ARHGEF6: variants seen among roughly 807,000 people sequenced by gnomAD.
ARHGEF6 encodes the protein rho guanine nucleotide exchange factor 6.
A neutral mutation model predicts 70.3 loss-of-function variants in ARHGEF6; 9 were observed. That is an observed-to-expected ratio of 0.13 (90% CI 0.08 to 0.22). The LOEUF is 0.22. Among genes scored for constraint, ARHGEF6 ranks in the 10% least tolerant of loss-of-function variants. The probability of loss-of-function intolerance (pLI) is 1.00; values close to 1 mark genes in which losing one functional copy is unlikely to be tolerated. For missense variants in ARHGEF6, 470 were observed against 563.0 expected (o/e 0.83, Z 1.67); for synonymous variants, 201 against 207.8 (o/e 0.97, Z 0.28).
intron 3 of ARHGEF6, among the ~76,000 whole-genome samples, chrX:136,746,886 T>C (rs2077099792): frequency 8.9e-6 from 1 of 111,921 alleles, no homozygotes; most frequent in Non-Finnish European, 1.9e-5. Context: ...GCTCAAAGCA[T>C]TTTAAGTATG....
At chrX:136,754,384 G>A (rs931134596) in intron 2 of ARHGEF6, among the ~76,000 whole-genome samples, 6 of 109,872 alleles carry the variant, frequency 5.5e-5, no homozygotes, top group Non-Finnish European at 9.5e-5. Context: ...CCAGGAGTTC[G>A]AGACCAGACT....
At chrX:136,708,634 C>G in intron 8 of ARHGEF6, 41 bp downstream of exon 8, 1 of 1,088,050 alleles carries the variant, frequency 9.2e-7, no homozygotes, top group Middle Eastern at 2.5e-4. Flanking sequence ...ACACAAACAG[C>G]AATGTTGCTG....
intron 6 of ARHGEF6, among the ~76,000 whole-genome samples, chrX:136,721,690 G>A (rs781621184): frequency 7.4e-4 from 83 of 111,815 alleles, no homozygotes; most frequent in African/African-American, 2.4e-3. Context: ...TAGTAAGAAA[G>A]ATACCACATG....
chrX:136,684,783 C>T (rs1166450813), intron 12 of ARHGEF6, among the ~76,000 whole-genome samples: 2 of 111,623 alleles, frequency 1.8e-5, no homozygotes, highest in Non-Finnish European at 3.8e-5. Context: ...TCTAAAGATG[C>T]CTCCAATTTG....
chrX:136,773,971 A>G (rs1418170860), intron 2 of ARHGEF6: 1 of 111,945 alleles, frequency 8.9e-6, no homozygotes, highest in Non-Finnish European at 1.9e-5. Context: ...GAAAATTAAG[A>G]CATACATTTT....
At chrX:136,752,592 A>G (rs2077163758) in intron 2 of ARHGEF6, among the ~76,000 whole-genome samples, 1 of 111,967 alleles carries the variant, frequency 8.9e-6, no homozygotes, top group Non-Finnish European at 1.9e-5. Context: ...CTGGTTCAGA[A>G]CTGGTCATCT....
At chrX:136,737,600 T>C (rs2076999928) in intron 5 of ARHGEF6, 1 of 592,685 alleles carries the variant, frequency 1.7e-6, no homozygotes, top group African/African-American at 2.6e-5. Flanking sequence ...ACCTCTGTAA[T>C]CCCAGCACTT....
chrX:136,727,344 T>C (rs1334908648), intron 6 of ARHGEF6, among the ~76,000 whole-genome samples: 20 of 43,964 alleles, frequency 4.5e-4, no homozygotes, highest in African/African-American at 1.9e-3. Context: ...TTTCTTTCTT[T>C]CTTTCTTTCT....
rs185192546 is a variant in ARHGEF6 at position 136,674,920 on chromosome X, C to A, written c.2035+87G>T. ...CTGCTTTCCACACCCTGCAACCCAT[C>A]CGGGTTGCTTTTCTCTTTTTCTAAA... On this transcript the variant is annotated intron_variant, in intron 19 of 21. Coordinates refer to ENST00000250617, the MANE Select transcript of ARHGEF6 (RefSeq NM_004840.3). 3.2e-5 allele frequency: 28 copies of A among 869,526 alleles called. No individual in the cohort carries two copies. In the African/African-American group the frequency reaches 5.2e-4, roughly 16 times the overall value. The allele number at this position is 869,526 out of a possible 1,213,427, so 71.7% of individuals were successfully genotyped here. A position where few individuals can be genotyped will look rare whatever the true frequency, so the allele number is the denominator to read the frequency against.
chrX:136,753,982 G>T (rs1361473262), intron 2 of ARHGEF6, among the ~76,000 whole-genome samples: 1 of 111,512 alleles, frequency 9.0e-6, no homozygotes, highest in Non-Finnish European at 1.9e-5. Flanking sequence ...TGGACTCCTA[G>T]ATTACTCGAA....
At chrX:136,668,533 C>CTTCTTCTTATTATTATTATTA (rs61661248) in intron 21 of ARHGEF6, among the ~76,000 whole-genome samples, 15 of 98,464 alleles carry the variant, frequency 1.5e-4, no homozygotes, top group African/African-American at 4.9e-4. Context: ...TCTTCTTCTT[C>CTTCTTCTTATTATTATTATTA]TTATTATTAT....
At chrX:136,751,260 A>G (rs887252259) in intron 2 of ARHGEF6, among the ~76,000 whole-genome samples, 3 of 112,425 alleles carry the variant, frequency 2.7e-5, no homozygotes. Context: ...GGATCTGCCA[A>G]TGTAAACTGC....
intron 6 of ARHGEF6, among the ~76,000 whole-genome samples, chrX:136,713,591 CAA>C (rs772181253): frequency 8.9e-6 from 1 of 111,892 alleles, no homozygotes; most frequent in Non-Finnish European, 1.9e-5. Flanking sequence ...CATATGAATA[CAA>C]TTTTTCAGTT....
chrX:136,736,835 A>G (rs1661528947), intron 5 of ARHGEF6, among the ~76,000 whole-genome samples: 2 of 111,548 alleles, frequency 1.8e-5, no homozygotes, highest in African/African-American at 3.3e-5. Context: ...CCACTCCCCA[A>G]GGGCAAATTT....
chrX:136,686,592 GTGTATATATATATATATA>G (rs2076389992), intron 11 of ARHGEF6, among the ~76,000 whole-genome samples: 1 of 59,704 alleles, frequency 1.7e-5, no homozygotes, highest in African/African-American at 7.3e-5. Flanking sequence ...GTGTATGTGT[GTGTATATATATATATATA>G]TATATATATA....
intron 11 of ARHGEF6, among the ~76,000 whole-genome samples, chrX:136,686,594 G>GTATATATATATA (rs770923374): frequency 3.2e-4 from 18 of 57,122 alleles, no homozygotes; most frequent in East Asian, 5.1e-4. Flanking sequence ...GTATGTGTGT[G>GTATATATATATA]TATATATATA....
intron 6 of ARHGEF6, among the ~76,000 whole-genome samples, chrX:136,727,363 T>C (rs867754961): frequency 7.6e-5 from 5 of 65,608 alleles, no homozygotes; most frequent in Non-Finnish European, 1.4e-4. Flanking sequence ...CTTTCTTTCT[T>C]TCTTTCTTTC....
intron 2 of ARHGEF6, among the ~76,000 whole-genome samples, chrX:136,757,972 A>G (rs965915902): frequency 9.3e-6 from 1 of 107,560 alleles, no homozygotes; most frequent in African/African-American, 3.4e-5. Context: ...CAAATTTTTT[A>G]AAGTAGAATT....
At chrX:136,703,367 C>T (rs772591011) in intron 9 of ARHGEF6, among the ~76,000 whole-genome samples, 8 of 112,080 alleles carry the variant, frequency 7.1e-5, no homozygotes, top group Non-Finnish European at 1.5e-4. Context: ...TTGCAGTGTA[C>T]TTTATTGAAC....
Sources: allele counts gnomAD v4.1 joint callset (sites outside exome capture counted in the v4.1 genomes callset), GRCh38; gene constraint gnomAD v4.1.1; transcripts MANE v1.5; gene names NCBI Gene and HGNC (gene_info 2026-07-23, HGNC 2026-07-21).